The following PCDHA8 variants were observed in gnomAD, a reference collection of about 807,000 sequenced individuals.
The protein encoded by PCDHA8 is protocadherin alpha 8.
A neutral mutation model predicts 61.8 loss-of-function variants in PCDHA8; 53 were observed. The observed-to-expected ratio is 0.86, with a 90% CI of 0.69 to 1.08. PCDHA8 has a LOEUF of 1.08. Ranked by LOEUF, PCDHA8 falls within the 50% of genes least tolerant of loss-of-function variation. The pLI, the probability that PCDHA8 is intolerant of heterozygous loss-of-function variation, is 0.00. For synonymous variants in PCDHA8, 618 were observed against 556.6 expected (o/e 1.11, Z -1.55); for missense variants, 1,293 against 1,245.0 (o/e 1.04, Z -0.58).
intron 1 of PCDHA8, among the ~76,000 whole-genome samples, chr5:140,970,178 A>T (rs1190328996): frequency 6.6e-6 from 1 of 152,214 alleles, no homozygotes; most frequent in East Asian, 1.9e-4. Context: ...GCATACTCTG[A>T]ATTCATTGTA....
At chr5:140,862,844 C>G (rs782433146) in intron 1 of PCDHA8, 1 of 571,262 alleles carries the variant, frequency 1.8e-6, no homozygotes. Flanking sequence ...GGCATGCCGC[C>G]TCTGAGCAGC....
At chr5:140,846,919 T>C (rs1554141550) in intron 1 of PCDHA8, among the ~76,000 whole-genome samples, 1 of 149,698 alleles carries the variant, frequency 6.7e-6, no homozygotes, top group African/African-American at 2.4e-5. Context: ...CATTTCCTAT[T>C]TGAATTTTTG....
At chr5:140,893,117 T>C (rs536917492) in intron 1 of PCDHA8, among the ~76,000 whole-genome samples, 72 of 152,356 alleles carry the variant, frequency 4.7e-4, no homozygotes, top group South Asian at 1.2e-3. Flanking sequence ...GTTGTGCATA[T>C]ACACCACATT....
intron 1 of PCDHA8, chr5:140,857,734 C>G: frequency 3.1e-6 from 5 of 1,597,392 alleles, no homozygotes; most frequent in Non-Finnish European, 4.3e-6. Flanking sequence ...ACAACGCTCC[C>G]GCGCTGCTGG....
chr5:140,858,118 C>T (rs267600398), intron 1 of PCDHA8: 1 of 1,597,724 alleles, frequency 6.3e-7, no homozygotes, highest in East Asian at 2.2e-5. Flanking sequence ...CCGAGGTGGC[C>T]CTGGTGGATG....
In PCDHA8 at chr5:140,842,941, G is replaced by T. The variant is rs1388720747; in HGVS notation, c.1620G>T (p.Ala540=). 6 of 1,594,648 alleles carry T rather than the reference G, an allele frequency of 3.8e-6. No homozygotes were observed. The East Asian group carries it at 8.9e-5, about 24-fold the overall frequency. ...AGTTCCAGGTGAGCGCGCGCGACGC[G>T]GGCGTGCCGCCTCTGGGCAGCAACG... ...LLQFQVSARD[A]GVPPLGSNVT... Residue 540 remains alanine, a synonymous_variant, in exon 1 of 4, where the codon GCG becomes GCT. Coordinates refer to ENST00000531613, the MANE Select transcript of PCDHA8 (RefSeq NM_018911.3).
At chr5:140,926,129 G>C (rs2082926412) in intron 1 of PCDHA8, among the ~76,000 whole-genome samples, 1 of 152,178 alleles carries the variant, frequency 6.6e-6, no homozygotes, top group African/African-American at 2.4e-5. Flanking sequence ...ACTTCAACCC[G>C]CAGCAGGATC....
At chr5:140,878,933 A>G (rs2057778648) in intron 1 of PCDHA8, among the ~76,000 whole-genome samples, 2 of 152,224 alleles carry the variant, frequency 1.3e-5, no homozygotes, top group Admixed American at 1.3e-4. Context: ...AATAATTTTA[A>G]ATAAATATAT....
chr5:140,874,192 T>C (rs1263028873), intron 1 of PCDHA8, among the ~76,000 whole-genome samples: 4 of 152,224 alleles, frequency 2.6e-5, no homozygotes, highest in African/African-American at 9.6e-5. Flanking sequence ...GGTGTCATAT[T>C]TCAGTTGCCT....
chr5:140,910,257 A>G (rs1428252762), intron 1 of PCDHA8, among the ~76,000 whole-genome samples: 1 of 152,202 alleles, frequency 6.6e-6, no homozygotes, highest in East Asian at 1.9e-4. Flanking sequence ...TAGGCTTCCT[A>G]TCATTTTCAC....
At chr5:140,926,979 G>A (rs782354889) in intron 1 of PCDHA8, 1 of 1,610,590 alleles carries the variant, frequency 6.2e-7, no homozygotes. Flanking sequence ...TGCCGGAGGA[G>A]ACGGAGCGGG....
intron 1 of PCDHA8, among the ~76,000 whole-genome samples, chr5:140,921,330 C>T (rs1285696901): frequency 6.6e-6 from 1 of 152,026 alleles, no homozygotes; most frequent in Non-Finnish European, 1.5e-5. Flanking sequence ...TCTGTCTGGT[C>T]CAATCACATA....
At chr5:140,964,783 A>C (rs2095854085) in intron 1 of PCDHA8, among the ~76,000 whole-genome samples, 1 of 152,018 alleles carries the variant, frequency 6.6e-6, no homozygotes, top group East Asian at 1.9e-4. Context: ...AAGAGGAAGA[A>C]GCCAGAGACC....
chr5:140,978,887 A>T, intron 1 of PCDHA8, 62 bp from the exon 2 acceptor site: 1 of 1,611,648 alleles, frequency 6.2e-7, no homozygotes, highest in Non-Finnish European at 8.5e-7. Context: ...ATCAATTAGC[A>T]GCATTCCTGG....
At chr5:140,876,956 T>A in intron 1 of PCDHA8, 1 of 1,613,342 alleles carries the variant, frequency 6.2e-7, no homozygotes, top group Non-Finnish European at 8.5e-7. Flanking sequence ...TACTCGCTGG[T>A]GGAGCGGCGG....
At position 140,883,407 on chromosome 5, in the gene PCDHA8, G is replaced by C. The variant is rs2059598150; in HGVS notation, c.2394+39692G>C. On this transcript the variant is annotated intron_variant, in intron 1 of 3. Coordinates refer to ENST00000531613, the MANE Select transcript of PCDHA8 (RefSeq NM_018911.3). The stretch of plus-strand genomic sequence containing the variant: ...ATCAGTGTGTCCGATCGTGACTCTG[G>C]CTCAAATGGACAGGTCACCTGCACC... The C allele has an allele frequency of 1.9e-6, 3 of 1,614,170 alleles. No homozygotes were observed. In the East Asian group the frequency reaches 6.7e-5, roughly 36 times the overall value.
At chr5:140,990,858 T>C (rs1243458417) in intron 3 of PCDHA8, among the ~76,000 whole-genome samples, 2 of 152,172 alleles carry the variant, frequency 1.3e-5, no homozygotes, top group African/African-American at 2.4e-5. Flanking sequence ...CCTGAGGACA[T>C]TGTATTTTAA....
chr5:140,861,449 C>A (rs1448075777), intron 1 of PCDHA8: 11 of 493,904 alleles, frequency 2.2e-5, no homozygotes, highest in Admixed American at 1.0e-4. Flanking sequence ...GCCGCAGAAA[C>A]CTTCTGGAGG....
intron 1 of PCDHA8, chr5:140,848,908 A>C: frequency 6.2e-7 from 1 of 1,600,388 alleles, no homozygotes; most frequent in Non-Finnish European, 8.5e-7. Flanking sequence ...GCGACACAAA[A>C]GAATCTGTTC....
Sources: gnomAD v4.1 joint callset for allele counts (sites outside exome capture counted in the v4.1 genomes callset) on GRCh38, gnomAD v4.1.1 for gene constraint, MANE v1.5 for transcripts, NCBI Gene and HGNC (gene_info 2026-07-23, HGNC 2026-07-21) for gene names.